Variants in DNAJA3 observed in about 807,000 individuals in gnomAD.
DNAJA3 encodes dnaJ homolog subfamily A member 3, mitochondrial.
In DNAJA3, 29 loss-of-function variants were observed where a neutral mutation model predicts 54.9. That is an observed-to-expected ratio of 0.53 (90% CI 0.39 to 0.72). The LOEUF (loss-of-function observed/expected upper bound fraction) is 0.72, where lower values mean the gene tolerates loss of function less well. DNAJA3 is among the 30% of genes least tolerant of loss of function. DNAJA3 has a pLI of 0.00. For missense variants in DNAJA3, 708 were observed against 639.4 expected (o/e 1.11, Z -1.16); for synonymous variants, 302 against 251.4 (o/e 1.20, Z -1.90).
intron 10 of DNAJA3, 39 bp from the exon 11 acceptor site, chr16:4,454,772 A>C: frequency 2.7e-6 from 4 of 1,489,324 alleles, no homozygotes; most frequent in Non-Finnish European, 3.7e-6. Flanking sequence ...GTGGAAGTGC[A>C]GGCCCATGAC....
chr16:4,433,397 A>G (rs527418920), intron 1 of DNAJA3: 1 of 152,306 alleles, frequency 6.6e-6, no homozygotes, highest in East Asian at 1.9e-4. Context: ...TTGATTTGTC[A>G]TTGGTTCTCA....
rs368800478 is a variant in DNAJA3 at position 4,425,896 on chromosome 16, C to T, written c.15C>T (p.Cys5=). Residue 5 remains cysteine (C), a synonymous_variant, in exon 1 of 12, where the codon TGC becomes TGT. Transcript: ENST00000262375. ...CCCGGGCCAAGATGGCTGCGCGGTG[C>T]TCCACACGCTGGTTGCTGGTGGTTG... The part of the protein sequence containing the change: MAAR[C]STRWLLVVVG... The T allele has an allele frequency of 3.8e-5, 58 of 1,540,902 alleles. 1 individual carries two copies. The highest frequency in any genetic ancestry group is 3.0e-4 in the East Asian group (12 of 40,106).
intron 10 of DNAJA3, among the ~76,000 whole-genome samples, chr16:4,454,055 T>G (rs931815338): frequency 6.6e-6 from 1 of 152,192 alleles, no homozygotes; most frequent in African/African-American, 2.4e-5. Context: ...CTAAAGAAAT[T>G]GCAGCACAGC....
At chr16:4,426,661 G>A (rs2056627302) in intron 1 of DNAJA3, among the ~76,000 whole-genome samples, 1 of 152,224 alleles carries the variant, frequency 6.6e-6, no homozygotes, top group Non-Finnish European at 1.5e-5. Flanking sequence ...AATCTTTTTA[G>A]AAGTCTTTAG....
chr16:4,452,855 G>C (rs902563153), intron 10 of DNAJA3, among the ~76,000 whole-genome samples: 4 of 152,162 alleles, frequency 2.6e-5, no homozygotes, highest in African/African-American at 7.2e-5. Context: ...AGGCTGCGGT[G>C]AGTCATGACA....
rs1187279466 is a variant in DNAJA3 at position 4,443,006 on chromosome 16, G to GT, written c.784-6dup. On this transcript the variant is annotated splice_polypyrimidine_tract_variant and intron_variant, in intron 5 of 11. Transcript: ENST00000262375. ...GCGTACTTAGGTTACCATTTTTCTT[G>GT]TTTTTATCAGGAAACCATCAACACA... 6.2e-7 allele frequency: 1 copy of GT among 1,610,922 alleles called. No individual in the cohort carries two copies. The highest frequency in any genetic ancestry group is 1.1e-5 in the South Asian group (1 of 90,698).
At chr16:4,453,769 T>C (rs952688520) in intron 10 of DNAJA3, among the ~76,000 whole-genome samples, 3 of 152,188 alleles carry the variant, frequency 2.0e-5, no homozygotes, top group Admixed American at 6.6e-5. Flanking sequence ...CTGTTTTATG[T>C]AGCCTCCCTC....
intron 6 of DNAJA3, 74 bp downstream of exon 6, chr16:4,443,238 G>T: frequency 6.3e-7 from 1 of 1,575,644 alleles, no homozygotes; most frequent in South Asian, 1.2e-5. Context: ...ACCGTGTGGA[G>T]AGGGTGGACA....
chr16:4,444,593 C>G, intron 6 of DNAJA3, 71 bp from the exon 7 acceptor site: 1 of 1,411,152 alleles, frequency 7.1e-7, no homozygotes, highest in Non-Finnish European at 1.0e-6. Flanking sequence ...CTCGGCCTCC[C>G]AAAGTGCTGG....
At chr16:4,429,901 G>A (rs1223341160) in intron 1 of DNAJA3, among the ~76,000 whole-genome samples, 2 of 152,034 alleles carry the variant, frequency 1.3e-5, no homozygotes, top group Admixed American at 1.3e-4. Context: ...GGAGGCTGAG[G>A]TGGGAGTTTC....
At chr16:4,426,296 C>G (rs967101987) in intron 1 of DNAJA3, among the ~76,000 whole-genome samples, 3 of 152,186 alleles carry the variant, frequency 2.0e-5, no homozygotes, top group Non-Finnish European at 2.9e-5. Flanking sequence ...AGCGTGGAGC[C>G]CCCGGCGGCG....
chr16:4,449,220 T>A (rs2056946704), intron 9 of DNAJA3, among the ~76,000 whole-genome samples: 1 of 152,128 alleles, frequency 6.6e-6, no homozygotes, highest in South Asian at 2.1e-4. Flanking sequence ...GTGGCCTCAA[T>A]CTCCTGACCT....
At chr16:4,429,051 G>C (rs554344048) in intron 1 of DNAJA3, among the ~76,000 whole-genome samples, 21 of 151,940 alleles carry the variant, frequency 1.4e-4, no homozygotes, top group Non-Finnish European at 2.8e-4. Flanking sequence ...ACCGCGCCCA[G>C]CTAATTTTTT....
Position 4,442,309 on chromosome 16 carries a change from C to G in DNAJA3, c.672C>G (p.Val224=), listed in dbSNP as rs776507821. 6.2e-7 allele frequency: 1 copy of G among 1,604,762 alleles called. No individual in the cohort carries two copies. The highest frequency in any genetic ancestry group is 8.5e-7 in the Non-Finnish European group (1 of 1,175,184). The change falls in exon 5 of 12, where the codon GTC becomes GTG. Residue 224 remains valine, a synonymous_variant. Coordinates refer to ENST00000262375, the MANE Select transcript of DNAJA3 (RefSeq NM_005147.6). ...CATTCAATCAAGCTGCAAAGGGGGT[C>G]AACAAGGAGTTCACCGTGAACATCA... ...ELTFNQAAKG[V]NKEFTVNIMD...
intron 1 of DNAJA3, among the ~76,000 whole-genome samples, chr16:4,428,112 C>G (rs562848088): frequency 1.4e-5 from 2 of 144,664 alleles, no homozygotes; most frequent in East Asian, 4.1e-4. Context: ...CCACCACGCC[C>G]AGCTAATTTT....
chr16:4,441,244 C>T (rs2056832284), intron 3 of DNAJA3, 131 bp from the exon 4 acceptor site: 1 of 799,326 alleles, frequency 1.3e-6, no homozygotes, highest in Admixed American at 2.9e-5. Flanking sequence ...CCCACCCCAA[C>T]CTCATAGGAT....
In DNAJA3 at chr16:4,425,885, G is replaced by A. The variant is rs1458403749; in HGVS notation, c.4G>A (p.Ala2Thr). Reference protein sequence around the residue: MAARCSTRWLLV... With the variant: MTARCSTRWLLV... ...GGCGCAGAGTCCCCGGGCCAAGATG[G>A]CTGCGCGGTGCTCCACACGCTGGTT... Residue 2 changes from alanine (A) to threonine (T), a missense_variant, in exon 1 of 12, where the codon GCT becomes ACT. Ala to Thr is a moderately conservative substitution (Grantham distance 58). Transcript: ENST00000262375. 1 of 1,532,592 alleles carries A rather than the reference G, an allele frequency of 6.5e-7. No individual in the cohort carries two copies. The highest frequency in any genetic ancestry group is 2.6e-5 in the East Asian group (1 of 39,206). The allele number at this position is 1,532,592 out of a possible 1,614,324, so 94.9% of individuals were successfully genotyped here. A position where few individuals can be genotyped will look rare whatever the true frequency, so the allele number is the denominator to read the frequency against.
rs765446875 is a variant in DNAJA3 at position 4,425,903 on chromosome 16, C to A, written c.22C>A (p.Arg8Ser). MAARCST[R>S]WLLVVVGTPR... ...CAAGATGGCTGCGCGGTGCTCCACA[C>A]GCTGGTTGCTGGTGGTTGTGGGGAC... is the stretch of plus-strand genomic sequence containing the variant. Residue 8 changes from arginine (R) to serine (S), a missense_variant, in exon 1 of 12, where the codon CGC (arginine) becomes AGC (serine). Arg to Ser is a moderately radical substitution (Grantham distance 110). Transcript: ENST00000262375. The A allele has an allele frequency of 1.9e-6, 3 of 1,543,282 alleles. No homozygotes were observed. Among genetic ancestry groups the A allele is most frequent in the South Asian group, 1.2e-5 (1 of 83,958 alleles).
At chr16:4,448,968 T>C (rs969562007) in intron 9 of DNAJA3, 120 bp downstream of exon 9, 54 of 699,992 alleles carry the variant, frequency 7.7e-5, no homozygotes, top group Middle Eastern at 3.8e-4. Flanking sequence ...GCCCGAGTTA[T>C]CTGTCTGTAA....
Sources: allele counts gnomAD v4.1 joint callset (sites outside exome capture counted in the v4.1 genomes callset), GRCh38; gene constraint gnomAD v4.1.1; transcripts MANE v1.5; gene names NCBI Gene and HGNC (gene_info 2026-07-23, HGNC 2026-07-21).